SOCS7: variants seen among roughly 807,000 people sequenced by gnomAD.
SOCS7 encodes the protein NAP-4.
Under a neutral mutation model 58.9 loss-of-function variants are expected in SOCS7, and 18 were observed. The ratio of observed to expected loss-of-function variants is 0.31; its 90% confidence interval spans 0.21 to 0.45. The LOEUF (loss-of-function observed/expected upper bound fraction) is 0.45. Among genes scored for constraint, SOCS7 ranks in the 20% least tolerant of loss-of-function variants. SOCS7 has a pLI of 1.00. For synonymous variants in SOCS7, 388 were observed against 364.3 expected (o/e 1.06, Z -0.74); for missense variants, 667 against 837.3 (o/e 0.80, Z 2.51).
In SOCS7 at chr17:38,352,848, G is replaced by A. The variant is rs766126663; in HGVS notation, c.796G>A (p.Ala266Thr). 6.3e-7 allele frequency: 1 copy of A among 1,580,626 alleles called. No homozygotes were observed. Among genetic ancestry groups the A allele is most frequent in the South Asian group, 1.2e-5 (1 of 86,454 alleles). ...TCCTCCCGGGCCCCTCCGGCCACTC[G>A]CGGGTCCTTCTCGGAAGGGCTCCTT... ...PPPPGPLRPL[A>T]GPSRKGSFKI... The change falls in exon 1 of 10, where the codon GCG (alanine) becomes ACG (threonine). Residue 266 changes from alanine (A) to threonine (T), a missense_variant. Transcript: ENST00000612932. This position sits in a 1 kb window ranked among gnomAD's most constrained non-coding sequence, Gnocchi z 5.5.
At position 38,352,095 on chromosome 17, in the gene SOCS7, G is replaced by A. The variant is rs2037560519; in HGVS notation, c.43G>A (p.Ala15Thr). 1.6e-6 allele frequency: 1 copy of A among 617,826 alleles called. No individual in the cohort carries two copies. The highest frequency in any genetic ancestry group is 4.0e-5 in the East Asian group (1 of 25,146). The allele number at this position is 617,826 out of a possible 1,614,324, so 38.3% of individuals were successfully genotyped here. ...ELRDGEAAAA[A>T]ASYRVLSRLL... ...CCGGGATGGCGAGGCGGCGGCGGCG[G>A]CCGCTTCGTACCGCGTCCTGAGCCG... is the stretch of plus-strand genomic sequence containing the variant. The change falls in exon 1 of 10, where the codon GCC (alanine) becomes ACC (threonine). Residue 15 changes from alanine (A) to threonine (T), a missense_variant. Ala to Thr is a moderately conservative substitution (Grantham distance 58). Transcript: ENST00000612932. The surrounding 1 kb of genome is among the most constrained non-coding windows in gnomAD (Gnocchi z 5.5).
At chr17:38,379,444 A>G (rs1375578344) in intron 7 of SOCS7, among the ~76,000 whole-genome samples, 1 of 152,172 alleles carries the variant, frequency 6.6e-6, no homozygotes, top group African/African-American at 2.4e-5. Flanking sequence ...GCGCCATTGC[A>G]CTCCAGTCTG....
chr17:38,363,631 G>C (rs757529449), intron 2 of SOCS7, among the ~76,000 whole-genome samples: 33 of 152,082 alleles, frequency 2.2e-4, no homozygotes, highest in Non-Finnish European at 4.0e-4. Context: ...CACTGCACCT[G>C]GTCTCACTGA....
intron 7 of SOCS7, 111 bp from the exon 8 acceptor site, chr17:38,395,198 T>C (rs555607344): frequency 8.3e-5 from 92 of 1,111,884 alleles, no homozygotes; most frequent in Non-Finnish European, 1.1e-4. Flanking sequence ...AGAATACATA[T>C]ATGAACCATA....
At chr17:38,370,757 TCTC>T (rs2037852808) in intron 6 of SOCS7, among the ~76,000 whole-genome samples, 1 of 151,840 alleles carries the variant, frequency 6.6e-6, no homozygotes, top group African/African-American at 2.4e-5. Context: ...TTCGAGCTAT[TCTC>T]CTGCCTTGGC....
intron 3 of SOCS7, 52 bp downstream of exon 3, chr17:38,364,908 A>G (rs760129430): frequency 4.9e-6 from 7 of 1,414,580 alleles, no homozygotes; most frequent in Non-Finnish European, 7.0e-6. Flanking sequence ...GGTGAGCTCC[A>G]GGGACTTGTT....
In SOCS7 at chr17:38,352,337, C is replaced by A; in HGVS notation, c.285C>A (p.His95Gln). ...CCTCGGAACTGCTGTGTCCCCGGCA[C>A]CGCTGTGCCCTGGACCCCAAGGCCC... Reference protein sequence around the residue: ...PGPSELLCPRHRCALDPKALP... With the variant: ...PGPSELLCPRQRCALDPKALP... Residue 95 changes from histidine to glutamine, a missense_variant, in exon 1 of 10, where the codon CAC becomes CAA. Around this residue, in one of 9 missense-constraint regions of SOCS7, gnomAD observed 154 missense variants for 156.3 expected, o/e 0.98. Coordinates refer to ENST00000612932, the MANE Select transcript of SOCS7 (RefSeq NM_014598.4). The surrounding 1 kb of genome is among the most constrained non-coding windows in gnomAD (Gnocchi z 5.5). The A allele has an allele frequency of 6.8e-7, 1 of 1,480,096 alleles. No individual in the cohort carries two copies. The highest frequency in any genetic ancestry group is 8.9e-7 in the Non-Finnish European group (1 of 1,126,646). 91.7% of individuals were successfully genotyped at this position (1,480,096 alleles called of 1,614,324 possible).
intron 6 of SOCS7, among the ~76,000 whole-genome samples, chr17:38,373,488 A>T (rs926689470): frequency 1.1e-4 from 16 of 152,370 alleles, no homozygotes; most frequent in African/African-American, 3.8e-4. Context: ...TTAAGGCAGG[A>T]AGGGGTAGGC....
At chr17:38,369,032 C>G (rs958942039) in intron 6 of SOCS7, among the ~76,000 whole-genome samples, 2 of 152,154 alleles carry the variant, frequency 1.3e-5, no homozygotes, top group African/African-American at 4.8e-5. Flanking sequence ...GACTTTGTAT[C>G]GAGACATTCT....
chr17:38,395,564 A>G (rs1428571641), intron 8 of SOCS7, 120 bp downstream of exon 8: 5 of 1,093,016 alleles, frequency 4.6e-6, no homozygotes, highest in Non-Finnish European at 6.7e-6. Flanking sequence ...ATATTTGCAG[A>G]TGTCATTCTT....
At chr17:38,377,042 A>G (rs2037940691) in intron 6 of SOCS7, among the ~76,000 whole-genome samples, 1 of 152,220 alleles carries the variant, frequency 6.6e-6, no homozygotes, top group South Asian at 2.1e-4. Flanking sequence ...GTAGTAGGCT[A>G]CACCATCTAG....
At chr17:38,399,458 C>A (rs1272069357) in intron 9 of SOCS7, 55 bp from the exon 10 acceptor site, 1 of 152,300 alleles carries the variant, frequency 6.6e-6, no homozygotes, top group Admixed American at 6.5e-5. Context: ...TTATTTCACT[C>A]CATTTTGGTT....
In SOCS7 at chr17:38,402,874, G is replaced by A. The variant is rs989812500; in HGVS notation, c.*3392G>A. 6.6e-6 allele frequency: 1 copy of A among 152,216 alleles called. No homozygotes were observed. The highest frequency in any genetic ancestry group is 1.5e-5 in the Non-Finnish European group (1 of 68,056). 9.4% of individuals were successfully genotyped at this position (152,216 alleles called of 1,614,324 possible). A position where few individuals can be genotyped will look rare whatever the true frequency, so the allele number is the denominator to read the frequency against. On this transcript the variant is annotated 3_prime_UTR_variant, in exon 10 of 10. Coordinates refer to ENST00000612932, the MANE Select transcript of SOCS7 (RefSeq NM_014598.4). The stretch of plus-strand genomic sequence containing the variant: ...GCCTGCATAACCCTCACCTGTTTAT[G>A]ACTGATCTACTGTAACCTTCCTCAG...
At chr17:38,354,947 GC>G (rs1164577291) in intron 1 of SOCS7, among the ~76,000 whole-genome samples, 1 of 152,240 alleles carries the variant, frequency 6.6e-6, no homozygotes, top group Admixed American at 6.5e-5. Flanking sequence ...GTCATTGGCT[GC>G]TCTGTCACCA....
At chr17:38,368,367 G>A (rs1555568705) in intron 6 of SOCS7, among the ~76,000 whole-genome samples, 1 of 152,132 alleles carries the variant, frequency 6.6e-6, no homozygotes, top group African/African-American at 2.4e-5. Context: ...AAGGAAGAAA[G>A]AACCTAGGAC....
intron 6 of SOCS7, among the ~76,000 whole-genome samples, chr17:38,369,814 A>G (rs1297355412): frequency 2.0e-5 from 3 of 147,622 alleles, no homozygotes; most frequent in African/African-American, 7.5e-5. Flanking sequence ...TTTTTGAGAC[A>G]GAGTTTCGCT....
chr17:38,395,203 A>T, intron 7 of SOCS7, 106 bp from the exon 8 acceptor site: 2 of 1,162,052 alleles, frequency 1.7e-6, no homozygotes, highest in Non-Finnish European at 2.5e-6. Context: ...ACATATATGA[A>T]CCATAAAGAA....
At chr17:38,359,766 A>T (rs190187849) in intron 1 of SOCS7, among the ~76,000 whole-genome samples, 7,607 of 150,190 alleles carry the variant, frequency 0.051, 214 homozygotes, top group Middle Eastern at 0.24. Context: ...TTATTTTTTT[A>T]AAAAAATTTT....
At chr17:38,385,895 C>T (rs1228865406) in intron 7 of SOCS7, among the ~76,000 whole-genome samples, 1 of 152,112 alleles carries the variant, frequency 6.6e-6, no homozygotes, top group East Asian at 1.9e-4. Flanking sequence ...TCAGGCTTGA[C>T]TGAACATATA....
Sources: gnomAD v4.1 joint callset for allele counts (sites outside exome capture counted in the v4.1 genomes callset) on GRCh38, gnomAD v4.1.1 for gene constraint, gnomAD v4.1.1 regional missense constraint, Gnocchi (gnomAD v3.1) non-coding constraint, MANE v1.5 for transcripts, NCBI Gene and HGNC (gene_info 2026-07-23, HGNC 2026-07-21) for gene names.